Variants in RBPJ observed in about 807,000 individuals in gnomAD.
The protein encoded by RBPJ is recombination signal binding protein for immunoglobulin kappa J region.
Under a neutral mutation model 67.8 loss-of-function variants are expected in RBPJ, and 9 were observed. The observed-to-expected ratio is 0.13, with a 90% CI of 0.08 to 0.23. The LOEUF (loss-of-function observed/expected upper bound fraction) is 0.23, where lower values mean the gene tolerates loss of function less well. Ranked by LOEUF, RBPJ falls within the 10% of genes least tolerant of loss-of-function variation. The pLI is 1.00. For missense variants in RBPJ, 305 were observed against 595.6 expected (o/e 0.51, Z 5.08); for synonymous variants, 198 against 203.3 (o/e 0.97, Z 0.22).
the RBPJ span, among the ~76,000 whole-genome samples, chr4:26,145,440 C>A: frequency 1.3e-5 from 2 of 152,202 alleles, no homozygotes; most frequent in African/African-American, 4.8e-5. Context: ...CCCTGAGAAT[C>A]CCTTCATGTC....
chr4:26,255,449 C>T (rs1322098464), intron 1 of RBPJ, among the ~76,000 whole-genome samples: 3 of 146,668 alleles, frequency 2.0e-5, no homozygotes, highest in Non-Finnish European at 4.5e-5. Flanking sequence ...GTGACCCCTG[C>T]ACATAGATGT....
At chr4:26,172,588 A>G (rs1716634962) in intron 1 of RBPJ, among the ~76,000 whole-genome samples, 2 of 152,176 alleles carry the variant, frequency 1.3e-5, no homozygotes, top group Non-Finnish European at 2.9e-5. Flanking sequence ...ATAAATTATA[A>G]TTAATTTTAA....
intron 1 of RBPJ, chr4:26,367,950 G>T (rs1254965337): frequency 6.6e-6 from 1 of 152,154 alleles, no homozygotes; most frequent in Non-Finnish European, 1.5e-5. Flanking sequence ...TCTACACTTG[G>T]GAGTTGAAAA....
intron 1 of RBPJ, among the ~76,000 whole-genome samples, chr4:26,347,365 AT>A (rs1417909066): frequency 6.6e-6 from 1 of 152,198 alleles, no homozygotes; most frequent in Admixed American, 6.5e-5. Flanking sequence ...AAGCACCAAA[AT>A]TTAAGGAATG....
intron 1 of RBPJ, among the ~76,000 whole-genome samples, chr4:26,237,614 G>A (rs1472347349): frequency 6.6e-6 from 1 of 152,178 alleles, no homozygotes; most frequent in African/African-American, 2.4e-5. Flanking sequence ...CTTGTGATAA[G>A]TGAAGAAACA....
intron 1 of RBPJ, among the ~76,000 whole-genome samples, chr4:26,266,146 C>G (rs1319194239): frequency 6.6e-6 from 1 of 152,140 alleles, no homozygotes; most frequent in Non-Finnish European, 1.5e-5. Context: ...TTCTTTTTCC[C>G]TGGCAGACTG....
At chr4:26,114,497 A>ATATATATATATATATATATATATATG in the RBPJ span, among the ~76,000 whole-genome samples, 3 of 140,038 alleles carry the variant, frequency 2.1e-5, no homozygotes, top group African/African-American at 5.5e-5. Context: ...ATATATATAT[A>ATATATATATATATATATATATATATG]TGTATGTGTG....
At chr4:26,160,828 A>G (rs562343322), upstream of RBPJ, among the ~76,000 whole-genome samples, 1 of 152,330 alleles carries the variant, frequency 6.6e-6, no homozygotes, top group African/African-American at 2.4e-5. Context: ...TCTCAGAATG[A>G]GGAAACAAAG....
At chr4:26,345,042 C>T (rs1324593302) in intron 1 of RBPJ, among the ~76,000 whole-genome samples, 1 of 152,168 alleles carries the variant, frequency 6.6e-6, no homozygotes, top group Non-Finnish European at 1.5e-5. Context: ...TAAACTTTGA[C>T]AGTAACAGCT....
chr4:26,234,205 A>G (rs1270035073), intron 1 of RBPJ, among the ~76,000 whole-genome samples: 1 of 152,228 alleles, frequency 6.6e-6, no homozygotes, highest in Non-Finnish European at 1.5e-5. Context: ...TATTGGACAG[A>G]GTACTGAACT....
rs1328264355 is a variant in RBPJ, at chr4:26,434,254, T to C, written c.*3247T>C. ...AGACTTATCTGCAATCATAACTGGTTAGTTTTTTTGTTTTGTTTTGTTTTA... is the reference window on the plus strand; with the variant it reads ...AGACTTATCTGCAATCATAACTGGTCAGTTTTTTTGTTTTGTTTTGTTTTA... On this transcript the variant is annotated 3_prime_UTR_variant, in exon 11 of 11. Transcript: ENST00000355476. The C allele has an allele frequency of 6.6e-6, 1 of 152,210 alleles. No individual in the cohort carries two copies. The highest frequency in any genetic ancestry group is 2.4e-5 in the African/African-American group (1 of 41,450). 9.4% of individuals were successfully genotyped at this position (152,210 alleles called of 1,614,324 possible). A position where few individuals can be genotyped will look rare whatever the true frequency, so the allele number is the denominator to read the frequency against.
intron 1 of RBPJ, among the ~76,000 whole-genome samples, chr4:26,270,411 AAGAAAG>A (rs1720862379): frequency 1.6e-5 from 1 of 61,566 alleles, no homozygotes; most frequent in Non-Finnish European, 4.3e-5. Context: ...GAAAGAAAGA[AAGAAAG>A]AAAGAAAGAA....
intron 1 of RBPJ, among the ~76,000 whole-genome samples, chr4:26,192,596 A>G (rs1421957091): frequency 6.6e-6 from 1 of 152,094 alleles, no homozygotes; most frequent in Non-Finnish European, 1.5e-5. Flanking sequence ...TTGGTTCTCA[A>G]CTCTATGAGG....
the RBPJ span, among the ~76,000 whole-genome samples, chr4:26,132,504 T>C: frequency 6.6e-6 from 1 of 151,786 alleles, no homozygotes; most frequent in African/African-American, 2.4e-5. Flanking sequence ...TGCCCAGGAG[T>C]GTGGGTTTGA....
chr4:26,202,018 A>G (rs1717995998), intron 1 of RBPJ, among the ~76,000 whole-genome samples: 1 of 152,148 alleles, frequency 6.6e-6, no homozygotes, highest in Non-Finnish European at 1.5e-5. Flanking sequence ...TCCCCAAAAA[A>G]CTTTCTTTCC....
At chr4:26,329,852 C>T (rs1724045705) in intron 1 of RBPJ, among the ~76,000 whole-genome samples, 2 of 151,730 alleles carry the variant, frequency 1.3e-5, no homozygotes, top group South Asian at 4.2e-4. Flanking sequence ...CGAGATCACG[C>T]CACTGCACTC....
chr4:26,381,261 A>T (rs1360259401), intron 1 of RBPJ, among the ~76,000 whole-genome samples: 3 of 152,014 alleles, frequency 2.0e-5, no homozygotes, highest in Admixed American at 2.0e-4. Flanking sequence ...GAAGCAAATT[A>T]TGTGGTTTGG....
intron 5 of RBPJ, 70 bp downstream of exon 5, chr4:26,420,795 A>G (rs1430625098): frequency 5.9e-6 from 8 of 1,347,010 alleles, no homozygotes; most frequent in Non-Finnish European, 8.0e-6. Flanking sequence ...TTTTTAAATT[A>G]AAAATTGCCT....
At position 26,193,846 on chromosome 4, in the gene RBPJ, A is replaced by G. The variant is rs574223430; in HGVS notation, c.-167+30232A>G. Among the ~76,000 whole-genome samples, 67 of 152,240 alleles carry G rather than the reference A, an allele frequency of 4.4e-4. 1 individual carries two copies. The highest frequency in any genetic ancestry group is 1.6e-3 in the African/African-American group (66 of 41,546). ...CTAAGCCTGACCTCCAGAGCCTGCA[A>G]TACCTGGCCCCTATTGCCTTCTCAG... is the stretch of plus-strand genomic sequence containing the variant. On this transcript the variant is annotated intron_variant, in intron 1 of 4. Coordinates refer to the RBPJ transcript ENST00000512351.
Sources: gnomAD v4.1 joint callset for allele counts (sites outside exome capture counted in the v4.1 genomes callset) on GRCh38, gnomAD v4.1.1 for gene constraint, MANE v1.5 for transcripts, NCBI Gene and HGNC (gene_info 2026-07-23, HGNC 2026-07-21) for gene names.